L3MBTL2: variants seen among roughly 807,000 people sequenced by gnomAD.
L3MBTL2 encodes the protein L3MBTL histone methyl-lysine binding protein 2, also known as lethal(3)malignant brain tumor-like protein 2.
Under a neutral mutation model 86.4 loss-of-function variants are expected in L3MBTL2, and 49 were observed. The ratio of observed to expected loss-of-function variants is 0.57; its 90% CI spans 0.45 to 0.72. The LOEUF is 0.72. L3MBTL2 is among the 30% of genes least tolerant of loss of function. The probability of loss-of-function intolerance (pLI) is 0.00; values close to 1 mark genes in which losing one functional copy is unlikely to be tolerated. For synonymous variants in L3MBTL2, 336 were observed against 350.6 expected, an observed-to-expected ratio of 0.96 and a Z score of 0.47; for missense variants, 755 against 923.7, an observed-to-expected ratio of 0.82 and a Z score of 2.37.
rs771682739 is a variant in L3MBTL2 at position 41,227,064 on chromosome 22, C to T, written c.1588-25C>T. 16 of 1,577,464 alleles carry T rather than the reference C, an allele frequency of 1.0e-5. No homozygotes were observed. Among genetic ancestry groups the T allele is most frequent in the Admixed American group, 5.4e-5 (3 of 55,764 alleles). On this transcript the variant is annotated intron_variant, in intron 13 of 16. Coordinates refer to ENST00000216237, the MANE Select transcript of L3MBTL2 (RefSeq NM_031488.5). This position sits in a 1 kb window ranked among gnomAD's most constrained non-coding sequence, Gnocchi z 6.0. ...TGGGGTAGGGAGCTGACTGGCTTGG[C>T]CACTGCCTCCTTTTTCTGCCCCAGG...
At chr22:41,220,615 G>T in intron 6 of L3MBTL2, 119 bp from the exon 7 acceptor site, 2 of 1,058,426 alleles carry the variant, frequency 1.9e-6, no homozygotes, top group Non-Finnish European at 1.3e-6. Context: ...CTGAGATGGC[G>T]CCACTGCACT....
chr22:41,228,535 A>G, intron 15 of L3MBTL2: 1 of 985,380 alleles, frequency 1.0e-6, no homozygotes, highest in Non-Finnish European at 1.2e-6. Context: ...AACAGAAACA[A>G]GGTCCCTTGG....
chr22:41,226,594 T>C (rs1171298311), intron 12 of L3MBTL2, 68 bp from the exon 13 acceptor site: 1 of 1,094,566 alleles, frequency 9.1e-7, no homozygotes, highest in African/African-American at 1.5e-5. Flanking sequence ...TTCAGCCATG[T>C]GTCCTTTCCT....
At position 41,220,789 on chromosome 22, in the gene L3MBTL2, C is replaced by G. The variant is rs141868075; in HGVS notation, c.774C>G (p.Phe258Leu). 6.2e-5 allele frequency: 100 copies of G among 1,613,932 alleles called. No individual in the cohort carries two copies. Among genetic ancestry groups the G allele is most frequent in the Non-Finnish European group, 7.8e-5 (92 of 1,180,006 alleles). Reference sequence around the variant, plus strand: ...TTGAAAATGACGCCAGCCATGACTTCTGGTGCAACCTGGGAACAGTGGATG... The same window carrying G: ...TTGAAAATGACGCCAGCCATGACTTGTGGTGCAACCTGGGAACAGTGGATG... ...EGFENDASHD[F>L]WCNLGTVDVH... is the part of the protein sequence containing the mutation. The change falls in exon 7 of 17, where the codon TTC (phenylalanine) becomes TTG (leucine). Residue 258 changes from phenylalanine to leucine, a missense_variant. Physicochemically the swap from Phe to Leu is conservative, Grantham distance 22. This residue lies in a region of L3MBTL2 where 634 missense variants were observed against 748.9 expected (regional missense o/e 0.85). Coordinates refer to ENST00000216237, the MANE Select transcript of L3MBTL2 (RefSeq NM_031488.5).
At position 41,210,143 on chromosome 22, in the gene L3MBTL2, C is replaced by CTTT. The variant is rs869292228; in HGVS notation, c.262+231_262+233dup. 2.0e-3 allele frequency: 322 copies of CTTT among 162,782 alleles called. 1 individual carries two copies. The highest frequency in any genetic ancestry group is 3.5e-3 in the African/African-American group (102 of 29,100). The allele number at this position is 162,782 out of a possible 1,614,324, so 10.1% of individuals were successfully genotyped here. On this transcript the variant is annotated intron_variant, in intron 2 of 16. Transcript: ENST00000216237. ...AACTTCCTTTGCTGAAGTCTAATTT[C>CTTT]TTTTTTTTTTTTTTTTTTTTTTTGA...
At chr22:41,205,510 G>C in intron 1 of L3MBTL2, 124 bp downstream of exon 1, 1 of 1,171,038 alleles carries the variant, frequency 8.5e-7, no homozygotes, top group South Asian at 1.2e-5. Context: ...ATAAACTGAG[G>C]TAGTTAAACT....
intron 8 of L3MBTL2, among the ~76,000 whole-genome samples, chr22:41,223,056 TCA>T (rs2031936281): frequency 1.3e-5 from 2 of 152,336 alleles, no homozygotes; most frequent in African/African-American, 4.8e-5. Context: ...GTGTTTTCTC[TCA>T]CTCTCCTGAG....
chr22:41,215,334 C>T (rs1438437146), intron 3 of L3MBTL2, among the ~76,000 whole-genome samples: 4 of 152,158 alleles, frequency 2.6e-5, no homozygotes, highest in African/African-American at 9.7e-5. Context: ...TTGACATTCT[C>T]AGTCCAATTA....
At chr22:41,214,994 A>G (rs1230872764) in intron 3 of L3MBTL2, among the ~76,000 whole-genome samples, 1 of 120,126 alleles carries the variant, frequency 8.3e-6, no homozygotes. Context: ...CTGGGGGGAA[A>G]ATATTATGTA....
chr22:41,226,838 C>T (rs1483080500), intron 13 of L3MBTL2, 94 bp downstream of exon 13: 11 of 962,698 alleles, frequency 1.1e-5, no homozygotes, highest in East Asian at 7.4e-5. Flanking sequence ...CTCTTTCTCT[C>T]GAATCTCTAC....
intron 15 of L3MBTL2, chr22:41,228,389 A>G (rs2032340197): frequency 1.0e-6 from 1 of 985,292 alleles, no homozygotes; most frequent in Non-Finnish European, 1.2e-6. Context: ...GCCTCACTCT[A>G]CAGATTCTGA....
At chr22:41,223,877 G>T in intron 8 of L3MBTL2, 143 bp from the exon 9 acceptor site, 1 of 656,584 alleles carries the variant, frequency 1.5e-6, no homozygotes, top group Non-Finnish European at 2.7e-6. Context: ...GCCTGGCAGC[G>T]CAGGCAGTCT....
intron 2 of L3MBTL2, among the ~76,000 whole-genome samples, chr22:41,210,301 C>G (rs1233506248): frequency 1.3e-5 from 2 of 151,976 alleles, no homozygotes; most frequent in Non-Finnish European, 2.9e-5. Flanking sequence ...AGGCACCCAC[C>G]ACCACATCCA....
At chr22:41,206,513 T>C (rs1162718827) in intron 1 of L3MBTL2, among the ~76,000 whole-genome samples, 1 of 151,446 alleles carries the variant, frequency 6.6e-6, no homozygotes, top group Non-Finnish European at 1.5e-5. Flanking sequence ...TTGAATTGTT[T>C]CCTTGCTGGG....
At chr22:41,216,365 G>A in intron 4 of L3MBTL2, 103 bp downstream of exon 4, 1 of 1,420,522 alleles carries the variant, frequency 7.0e-7, no homozygotes, top group Non-Finnish European at 9.5e-7. Context: ...AACCGGCCAG[G>A]TAGAAAGTGC....
intron 1 of L3MBTL2, among the ~76,000 whole-genome samples, chr22:41,208,674 C>G (rs980383853): frequency 2.0e-5 from 3 of 151,926 alleles, no homozygotes; most frequent in African/African-American, 7.2e-5. Context: ...GTCTAGGTCC[C>G]AAATTAACTT....
rs1041491702 is a variant in L3MBTL2 at position 41,216,933 on chromosome 22, A to G, written c.521-190A>G. ...TTGCCACCTTTCAATTCAGTCCTCA[A>G]CAGTGGTCCCTCATGGCCACTGGTG... is the stretch of plus-strand genomic sequence containing the variant. On this transcript the variant is annotated intron_variant, in intron 4 of 16. Transcript: ENST00000216237. The G allele has an allele frequency of 5.3e-6, 3 of 566,318 alleles. 1 individual carries two copies. Among genetic ancestry groups the G allele is most frequent in the South Asian group, 4.3e-5 (2 of 46,860 alleles). 35.1% of individuals were successfully genotyped at this position (566,318 alleles called of 1,614,324 possible). A position where few individuals can be genotyped will look rare whatever the true frequency, so the allele number is the denominator to read the frequency against.
intron 2 of L3MBTL2, among the ~76,000 whole-genome samples, chr22:41,211,988 C>T (rs2030898026): frequency 6.7e-6 from 1 of 149,520 alleles, no homozygotes; most frequent in Non-Finnish European, 1.5e-5. Context: ...CTCAGCCTCC[C>T]AAGTAGCTGG....
chr22:41,211,574 TGAGACGGAGTC>T (rs2030816450), intron 2 of L3MBTL2, among the ~76,000 whole-genome samples: 1 of 126,418 alleles, frequency 7.9e-6, no homozygotes, highest in African/African-American at 3.1e-5. Flanking sequence ...TTTTTTTTTT[TGAGACGGAGTC>T]TTGCTCTGTC....
Sources: allele counts gnomAD v4.1 joint callset (sites outside exome capture counted in the v4.1 genomes callset), GRCh38; gene constraint gnomAD v4.1.1; regional missense constraint gnomAD v4.1.1; non-coding constraint Gnocchi (gnomAD v3.1); transcripts MANE v1.5; gene names NCBI Gene and HGNC (gene_info 2026-07-23, HGNC 2026-07-21).